NKAIN1: variants seen among roughly 807,000 people sequenced by gnomAD.
NKAIN1 encodes sodium/potassium-transporting ATPase subunit beta-1-interacting protein 1.
Under a neutral mutation model 31.6 loss-of-function variants are expected in NKAIN1, and 13 were observed. That is an observed-to-expected ratio of 0.41 (90% CI 0.27 to 0.65). The LOEUF is 0.65. Ranked by LOEUF, NKAIN1 falls within the 30% of genes least tolerant of loss-of-function variation. The probability of loss-of-function intolerance (pLI) is 0.30; values close to 1 mark genes in which losing one functional copy is unlikely to be tolerated. For missense variants in NKAIN1, 193 were observed against 262.2 expected (o/e 0.74, Z 1.82); for synonymous variants, 104 against 109.0 (o/e 0.95, Z 0.28).
At chr1:31,182,655 C>A (rs377480263) in intron 4 of NKAIN1, 65 bp from the exon 5 acceptor site, 4 of 1,587,204 alleles carry the variant, frequency 2.5e-6, no homozygotes, top group Non-Finnish European at 3.5e-6. Context: ...CGCCCCCTGC[C>A]GGGCCCTGTA....
intron 1 of NKAIN1, among the ~76,000 whole-genome samples, chr1:31,223,570 A>C (rs151179200): frequency 0.062 from 9,386 of 151,972 alleles, 415 homozygotes; most frequent in Admixed American, 0.16. Context: ...TCAGCCTTCC[A>C]AGTAGCTGGG....
At chr1:31,211,427 A>G (rs1298246070) in intron 1 of NKAIN1, among the ~76,000 whole-genome samples, 2 of 152,248 alleles carry the variant, frequency 1.3e-5, no homozygotes, top group African/African-American at 4.8e-5. Context: ...AAAGAAGAAA[A>G]TGCTTAGCAT....
At chr1:31,183,779 C>G (rs776349759) in intron 4 of NKAIN1, 38 bp downstream of exon 4, 1 of 1,575,650 alleles carries the variant, frequency 6.3e-7, no homozygotes, top group Non-Finnish European at 8.7e-7. Context: ...AGAAAGGGAT[C>G]GGGAAGTGTG....
Position 31,181,257 on chromosome 1 carries a change from A to G in NKAIN1, c.*446T>C, listed in dbSNP as rs899235526. On this transcript the variant is annotated 3_prime_UTR_variant, in exon 7 of 7. Transcript: ENST00000373736. ...GATGGACCTGCGATTAGAACCCAGG[A>G]ATCCTGCTCCTAGTTCACAGTAGCT... 1 of 169,126 alleles carries G rather than the reference A, an allele frequency of 5.9e-6. No individual in the cohort carries two copies. The highest frequency in any genetic ancestry group is 1.3e-5 in the Non-Finnish European group (1 of 79,748). The allele number at this position is 169,126 out of a possible 1,614,324, so 10.5% of individuals were successfully genotyped here.
intron 1 of NKAIN1, among the ~76,000 whole-genome samples, chr1:31,190,408 A>T (rs1645276066): frequency 6.6e-6 from 1 of 152,210 alleles, no homozygotes. Context: ...GCAGAGCTGG[A>T]ATCATTATTT....
rs568389258 is a variant in NKAIN1 at position 31,215,289 on chromosome 1, C to G, written c.54+24205G>C. Among the ~76,000 whole-genome samples the G allele has an allele frequency of 3.3e-5, 5 of 152,312 alleles. No individual in the cohort carries two copies. In the South Asian group the frequency reaches 6.2e-4, roughly 19 times the overall value. ...TGGGCAAAGTTGCACAGCAGTACTC[C>G]CCCCAACCCAGGGCTTCGGGATCCC... On this transcript the variant is annotated intron_variant, in intron 1 of 6. Coordinates refer to ENST00000373736, the MANE Select transcript of NKAIN1 (RefSeq NM_024522.3).
intron 1 of NKAIN1, among the ~76,000 whole-genome samples, chr1:31,200,089 G>A (rs1000262796): frequency 1.3e-4 from 19 of 151,970 alleles, no homozygotes; most frequent in East Asian, 1.9e-4. Context: ...GCGCGCACAC[G>A]CATTCACACA....
chr1:31,226,588 A>G (rs7528098), intron 1 of NKAIN1, among the ~76,000 whole-genome samples: 47,426 of 150,204 alleles, frequency 0.32, 9,509 homozygotes, highest in African/African-American at 0.57. Context: ...GCAGTGGCAC[A>G]ATCCCGGTTT....
intron 4 of NKAIN1, among the ~76,000 whole-genome samples, chr1:31,183,110 C>T (rs892535945): frequency 2.2e-4 from 33 of 152,292 alleles, no homozygotes; most frequent in Middle Eastern, 6.8e-3. Context: ...CTGCCTCAAC[C>T]TCTCAAGTAG....
rs1296986289 is a variant in NKAIN1, at chr1:31,181,545, C to A, written c.*158G>T. On this transcript the variant is annotated 3_prime_UTR_variant, in exon 7 of 7. Coordinates refer to ENST00000373736, the MANE Select transcript of NKAIN1 (RefSeq NM_024522.3). ...CTCAAATCCAAGTCCAAGTCCAAGT[C>A]CACGTCCAAGTCCGCATCTCCAGAT... The A allele has an allele frequency of 3.7e-5, 23 of 617,484 alleles. No homozygotes were observed. Among genetic ancestry groups the A allele is most frequent in the Non-Finnish European group, 5.4e-5 (22 of 406,400 alleles). The allele number at this position is 617,484 out of a possible 1,614,324, so 38.3% of individuals were successfully genotyped here. A position where few individuals can be genotyped will look rare whatever the true frequency, so the allele number is the denominator to read the frequency against.
intron 1 of NKAIN1, among the ~76,000 whole-genome samples, chr1:31,192,002 C>G (rs914666506): frequency 2.6e-5 from 4 of 152,174 alleles, no homozygotes; most frequent in Admixed American, 6.6e-5. Context: ...TCTTGAACTC[C>G]TGGCCTCAAT....
At chr1:31,208,194 C>T (rs1337597216) in intron 1 of NKAIN1, among the ~76,000 whole-genome samples, 1 of 152,160 alleles carries the variant, frequency 6.6e-6, no homozygotes, top group Non-Finnish European at 1.5e-5. Context: ...TTAAATCTCC[C>T]TAAGCCCGTT....
chr1:31,185,396 A>C (rs1020769906), intron 2 of NKAIN1, 69 bp from the exon 3 acceptor site: 2 of 1,264,088 alleles, frequency 1.6e-6, no homozygotes, highest in African/African-American at 2.9e-5. Context: ...CAATGGAGAC[A>C]GAGCTCAGGG....
intron 1 of NKAIN1, among the ~76,000 whole-genome samples, chr1:31,227,871 A>G (rs769474641): frequency 6.6e-6 from 1 of 152,196 alleles, no homozygotes; most frequent in Non-Finnish European, 1.5e-5. Context: ...GGTGGCTCCA[A>G]CGCTGGCCTG....
intron 1 of NKAIN1, among the ~76,000 whole-genome samples, chr1:31,196,405 C>G (rs977402410): frequency 1.4e-5 from 2 of 147,936 alleles, no homozygotes; most frequent in Non-Finnish European, 1.5e-5. Context: ...CCCAGCTACT[C>G]GGGAGGCTGA....
At chr1:31,206,150 G>A (rs56254608) in intron 1 of NKAIN1, among the ~76,000 whole-genome samples, 7 of 150,444 alleles carry the variant, frequency 4.7e-5, no homozygotes, top group Admixed American at 4.6e-4. Context: ...CAGGAGAATC[G>A]CTTGAACCCG....
chr1:31,205,963 G>A (rs1557655942), intron 1 of NKAIN1, among the ~76,000 whole-genome samples: 2 of 151,534 alleles, frequency 1.3e-5, no homozygotes, highest in South Asian at 2.1e-4. Flanking sequence ...GCCAGGTGCA[G>A]TGGCTTACAT....
chr1:31,220,772 A>AAAAAAAAAAG (rs1213472698), intron 1 of NKAIN1, among the ~76,000 whole-genome samples: 24 of 151,790 alleles, frequency 1.6e-4, no homozygotes, highest in African/African-American at 5.3e-4. Context: ...AAAAAAAAAA[A>AAAAAAAAAAG]AAAGCATCCA....
At chr1:31,200,458 CTTTTTTTTTTT>C (rs3081712) in intron 1 of NKAIN1, among the ~76,000 whole-genome samples, 6 of 121,886 alleles carry the variant, frequency 4.9e-5, no homozygotes, top group African/African-American at 1.9e-4. Context: ...TCTCCTCTCT[CTTTTTTTTTTT>C]TTTTTTTTGA....
Sources: gnomAD v4.1 joint callset for allele counts (sites outside exome capture counted in the v4.1 genomes callset) on GRCh38, gnomAD v4.1.1 for gene constraint, MANE v1.5 for transcripts, NCBI Gene and HGNC (gene_info 2026-07-23, HGNC 2026-07-21) for gene names.